Variants in SEC61A2 observed in about 807,000 individuals in gnomAD.
The protein encoded by SEC61A2 is SEC61 translocon subunit alpha 2.
Under a neutral mutation model 59.9 loss-of-function variants are expected in SEC61A2, and 28 were observed. The ratio of observed to expected loss-of-function variants is 0.47; its 90% CI spans 0.35 to 0.64. The LOEUF is 0.64. SEC61A2 is among the 30% of genes least tolerant of loss of function. The probability of loss-of-function intolerance (pLI) is 0.01; values close to 1 mark genes in which losing one functional copy is unlikely to be tolerated. For synonymous variants in SEC61A2, 202 were observed against 214.4 expected, an observed-to-expected ratio of 0.94 and a Z score of 0.50; for missense variants, 340 against 585.9, an observed-to-expected ratio of 0.58 and a Z score of 4.33.
In SEC61A2 at chr10:12,162,194, G is replaced by A. The variant is rs949963142; in HGVS notation, c.1168-19G>A. ...GAAATGTTCCAGTTGGATTTTGAAA[G>A]TCGTTTTTCTCTCGGCAGGTAGCTA... On this transcript the variant is annotated intron_variant, in intron 10 of 11. Transcript: ENST00000298428. This position sits in a 1 kb window ranked among gnomAD's most constrained non-coding sequence, Gnocchi z 6.1. The A allele has an allele frequency of 6.8e-6, 11 of 1,610,700 alleles. No individual in the cohort carries two copies. The highest frequency in any genetic ancestry group is 8.5e-6 in the Non-Finnish European group (10 of 1,177,464).
chr10:12,129,702 A>G lies in SEC61A2; in HGVS notation c.-86A>G. The stretch of plus-strand genomic sequence containing the variant: ...GCGGGGCCGGTAGGATCGCGTCGGG[A>G]GCCGGTACCGAGGCCCGAGCCGCGG... On this transcript the variant is annotated 5_prime_UTR_variant, in exon 1 of 12. Coordinates refer to ENST00000298428, the MANE Select transcript of SEC61A2 (RefSeq NM_018144.4). This position sits in a 1 kb window ranked among gnomAD's most constrained non-coding sequence, Gnocchi z 5.6. 2.3e-6 allele frequency: 3 copies of G among 1,315,102 alleles called. No individual in the cohort carries two copies. Among genetic ancestry groups the G allele is most frequent in the Non-Finnish European group, 3.1e-6 (3 of 973,128 alleles). 81.5% of individuals were successfully genotyped at this position (1,315,102 alleles called of 1,614,324 possible).
In SEC61A2 at chr10:12,162,759, A is replaced by G. The variant is rs1639014532; in HGVS notation, c.1244+470A>G. 2.0e-5 allele frequency among the ~76,000 whole-genome samples: 3 copies of G among 152,128 alleles called. No homozygotes were observed. The highest frequency in any genetic ancestry group is 4.1e-4 in the South Asian group (2 of 4,820). On this transcript the variant is annotated intron_variant, in intron 11 of 11. Transcript: ENST00000298428. This position sits in a 1 kb window ranked among gnomAD's most constrained non-coding sequence, Gnocchi z 6.1. ...CAGTCATAAGTTTAAACACATTTTC[A>G]CCACCCAGAAAGAAACCCTGTACCT...
At position 12,133,411 on chromosome 10, in the gene SEC61A2, G is replaced by A. The variant is rs991588996; in HGVS notation, c.75+103G>A. Reference sequence around the variant, plus strand: ...CTCAGTCCTTCTCTGTTGGTAATTGGAAAACTATTGGTGTTCATCCTCCTT... The same window carrying A: ...CTCAGTCCTTCTCTGTTGGTAATTGAAAAACTATTGGTGTTCATCCTCCTT... On this transcript the variant is annotated intron_variant, in intron 2 of 11. Transcript: ENST00000298428. 23 of 574,370 alleles carry A rather than the reference G, an allele frequency of 4.0e-5. No homozygotes were observed. In the African/African-American group the frequency reaches 4.3e-4, roughly 11 times the overall value. 35.6% of individuals were successfully genotyped at this position (574,370 alleles called of 1,614,324 possible).
rs1026810840 is a variant in SEC61A2, at chr10:12,156,266, G to A, written c.616+335G>A. On this transcript the variant is annotated intron_variant, in intron 7 of 11. Coordinates refer to ENST00000298428, the MANE Select transcript of SEC61A2 (RefSeq NM_018144.4). This position sits in a 1 kb window ranked among gnomAD's most constrained non-coding sequence, Gnocchi z 5.2. ...TCCGTAGGGGGATAAAAAGGTAGTG[G>A]ATTTTAGATTTTTCAAATGAAAAGA... Among the ~76,000 whole-genome samples the A allele has an allele frequency of 2.0e-5, 3 of 152,220 alleles. No homozygotes were observed. The highest frequency in any genetic ancestry group is 7.2e-5 in the African/African-American group (3 of 41,462).
Position 12,164,594 on chromosome 10 carries a change from G to A in SEC61A2, c.*140G>A. The A allele has an allele frequency of 6.9e-7, 1 of 1,452,050 alleles. No individual in the cohort carries two copies. The highest frequency in any genetic ancestry group is 9.0e-7 in the Non-Finnish European group (1 of 1,108,272). The allele number at this position is 1,452,050 out of a possible 1,614,324, so 89.9% of individuals were successfully genotyped here. A position where few individuals can be genotyped will look rare whatever the true frequency, so the allele number is the denominator to read the frequency against. Reference sequence around the variant, plus strand: ...GCTGACTGACCCGTTTCTGAAATGGGCACCGAGCTAAGTCTGTGTGCAGCA... The same window carrying A: ...GCTGACTGACCCGTTTCTGAAATGGACACCGAGCTAAGTCTGTGTGCAGCA... On this transcript the variant is annotated 3_prime_UTR_variant, in exon 12 of 12. Coordinates refer to ENST00000298428, the MANE Select transcript of SEC61A2 (RefSeq NM_018144.4). This position sits in a 1 kb window ranked among gnomAD's most constrained non-coding sequence, Gnocchi z 7.3.
chr10:12,149,534 T>C lies in SEC61A2; in HGVS notation c.221-61T>C. The stretch of plus-strand genomic sequence containing the variant: ...TGAGGTAATTAGGGAGTGCGACACC[T>C]CTAAATCAGTTTGTATCGTGTACAG... On this transcript the variant is annotated intron_variant, in intron 4 of 11. Coordinates refer to ENST00000298428, the MANE Select transcript of SEC61A2 (RefSeq NM_018144.4). This position sits in a 1 kb window ranked among gnomAD's most constrained non-coding sequence, Gnocchi z 5.2. The C allele has an allele frequency of 6.7e-7, 1 of 1,500,186 alleles. No homozygotes were observed. Among genetic ancestry groups the C allele is most frequent in the Non-Finnish European group, 8.9e-7 (1 of 1,119,538 alleles). The allele number at this position is 1,500,186 out of a possible 1,614,324, so 92.9% of individuals were successfully genotyped here.
intron 4 of SEC61A2, among the ~76,000 whole-genome samples, chr10:12,146,931 T>C (rs895850827): frequency 3.3e-5 from 5 of 152,206 alleles, no homozygotes; most frequent in Admixed American, 6.5e-5. Context: ...TCTTGCTCTG[T>C]TGCCCAGGCT....
In SEC61A2 at chr10:12,145,893, C is replaced by T. The variant is rs1261263271; in HGVS notation, c.220+2698C>T. Among the ~76,000 whole-genome samples, 3 of 152,218 alleles carry T rather than the reference C, an allele frequency of 2.0e-5. No individual in the cohort carries two copies. The highest frequency in any genetic ancestry group is 2.9e-5 in the Non-Finnish European group (2 of 68,044). ...GATACTGGTTATTTTTTGGAATCTA[C>T]AGTGGAGATGAACAGCTAAGCCCCA... On this transcript the variant is annotated intron_variant, in intron 4 of 11. Transcript: ENST00000298428. This position sits in a 1 kb window ranked among gnomAD's most constrained non-coding sequence, Gnocchi z 4.4.
At chr10:12,163,972 C>A (rs926587376) in intron 11 of SEC61A2, among the ~76,000 whole-genome samples, 1 of 152,136 alleles carries the variant, frequency 6.6e-6, no homozygotes, top group African/African-American at 2.4e-5. Context: ...ATTTAAAAAT[C>A]TTAAACATTT....
intron 3 of SEC61A2, among the ~76,000 whole-genome samples, chr10:12,139,314 A>C: frequency 6.6e-6 from 1 of 150,900 alleles, no homozygotes; most frequent in African/African-American, 2.4e-5. Flanking sequence ...GTTCCAGTTG[A>C]TCTGCATCCT....
Position 12,156,866 on chromosome 10 carries a change from G to T in SEC61A2, c.617-41G>T. On this transcript the variant is annotated intron_variant, in intron 7 of 11. Transcript: ENST00000298428. The surrounding 1 kb of genome is among the most constrained non-coding windows in gnomAD (Gnocchi z 5.2). ...GTTGTTTGAGCTTTGGGACAGCTTT[G>T]GACGATGAGTCCACAGGTCGTGTCT... The T allele has an allele frequency of 6.2e-7, 1 of 1,601,732 alleles. No individual in the cohort carries two copies. The highest frequency in any genetic ancestry group is 1.1e-5 in the South Asian group (1 of 88,854).
downstream of SEC61A2, among the ~76,000 whole-genome samples, chr10:12,169,058 C>T (rs935566251): frequency 1.3e-5 from 2 of 152,152 alleles, no homozygotes; most frequent in Non-Finnish European, 2.9e-5. The surrounding 1 kb of genome is among the most constrained non-coding windows in gnomAD (Gnocchi z 4.8). Context: ...CCACCGCACC[C>T]GGCCAGCAAA....
rs182706847 is a variant in SEC61A2 at position 12,154,689 on chromosome 10, C to A, written c.463-1089C>A. On this transcript the variant is annotated intron_variant, in intron 6 of 11. Transcript: ENST00000298428. This position sits in a 1 kb window ranked among gnomAD's most constrained non-coding sequence, Gnocchi z 5.2. ...CTCAGACTAAAAGCCTGTAAATAGA[C>A]AAGTTAGGCTCTGTCCAACTACTGA... Among the ~76,000 whole-genome samples the A allele has an allele frequency of 8.2e-4, 125 of 152,286 alleles. 1 individual carries two copies. Among genetic ancestry groups the A allele is most frequent in the Admixed American group, 8.1e-3 (124 of 15,296 alleles).
chr10:12,139,080 G>A (rs1833950599), intron 3 of SEC61A2, among the ~76,000 whole-genome samples: 1 of 152,122 alleles, frequency 6.6e-6, no homozygotes, highest in Admixed American at 6.5e-5. Context: ...TCCTATCTCA[G>A]CCTCCTGAGT....
rs760494694 is a variant in SEC61A2, at chr10:12,157,941, C to T, written c.811C>T (p.Arg271Cys). The T allele has an allele frequency of 6.8e-6, 11 of 1,613,974 alleles. No homozygotes were observed. Among genetic ancestry groups the T allele is most frequent in the Non-Finnish European group, 6.8e-6 (8 of 1,180,036 alleles). Residue 271 changes from arginine to cysteine, a missense_variant, in exon 9 of 12, where the codon CGT (arginine) becomes TGT (cysteine). Arg to Cys is a radical substitution (Grantham distance 180). This residue lies in a region of SEC61A2 where 283 missense variants were observed against 483.2 expected (regional missense o/e 0.59). Transcript: ENST00000298428. ...FRVDLPIKSA[R>C]YRGQYSSYPI... Reference sequence around the variant, plus strand: ...CGTTGATCTGCCCATTAAGTCGGCCCGTTACCGAGGACAGTACAGCAGCTA... The same window carrying T: ...CGTTGATCTGCCCATTAAGTCGGCCTGTTACCGAGGACAGTACAGCAGCTA...
intron 1 of SEC61A2, among the ~76,000 whole-genome samples, chr10:12,131,779 C>T (rs2131640495): frequency 7.0e-6 from 1 of 142,344 alleles, no homozygotes; most frequent in African/African-American, 2.6e-5. Flanking sequence ...CAAGCTCCCC[C>T]TCCTGGGGTC....
intron 8 of SEC61A2, among the ~76,000 whole-genome samples, chr10:12,157,704 C>T (rs562055278): frequency 7.9e-5 from 12 of 152,042 alleles, no homozygotes; most frequent in Admixed American, 2.6e-4. Flanking sequence ...GATTTCACCA[C>T]GTTGGCCAGG....
At position 12,143,344 on chromosome 10, in the gene SEC61A2, G is replaced by C; in HGVS notation, c.220+149G>C. 2 of 668,804 alleles carry C rather than the reference G, an allele frequency of 3.0e-6. No individual in the cohort carries two copies. Among genetic ancestry groups the C allele is most frequent in the Non-Finnish European group, 5.4e-6 (2 of 371,098 alleles). The allele number at this position is 668,804 out of a possible 1,614,324, so 41.4% of individuals were successfully genotyped here. A position where few individuals can be genotyped will look rare whatever the true frequency, so the allele number is the denominator to read the frequency against. Reference sequence around the variant, plus strand: ...TATGTAGATAATGACAACACCGTGTGATTAATGTAATCATAGAGAAATCTG... The same window carrying C: ...TATGTAGATAATGACAACACCGTGTCATTAATGTAATCATAGAGAAATCTG... On this transcript the variant is annotated intron_variant, in intron 4 of 11. Transcript: ENST00000298428. The surrounding 1 kb of genome is among the most constrained non-coding windows in gnomAD (Gnocchi z 4.8).
rs1588625662 is a variant in SEC61A2 at position 12,129,681 on chromosome 10, G to T, written c.-107G>T. The T allele has an allele frequency of 4.4e-6, 5 of 1,136,464 alleles. No individual in the cohort carries two copies. The allele number at this position is 1,136,464 out of a possible 1,614,324, so 70.4% of individuals were successfully genotyped here. A position where few individuals can be genotyped will look rare whatever the true frequency, so the allele number is the denominator to read the frequency against. ...GCGGGGTTGGGCGGAGCCTGCGCGGGGCCGGTAGGATCGCGTCGGGAGCCG... is the reference window on the plus strand; with the variant it reads ...GCGGGGTTGGGCGGAGCCTGCGCGGTGCCGGTAGGATCGCGTCGGGAGCCG... On this transcript the variant is annotated 5_prime_UTR_variant, in exon 1 of 12. Transcript: ENST00000298428. This position sits in a 1 kb window ranked among gnomAD's most constrained non-coding sequence, Gnocchi z 5.6.
Sources: allele counts gnomAD v4.1 joint callset (sites outside exome capture counted in the v4.1 genomes callset), GRCh38; gene constraint gnomAD v4.1.1; regional missense constraint gnomAD v4.1.1; non-coding constraint Gnocchi (gnomAD v3.1); transcripts MANE v1.5; gene names NCBI Gene and HGNC (gene_info 2026-07-23, HGNC 2026-07-21).